Variants in LGALS13 observed in about 807,000 individuals in gnomAD.
LGALS13 encodes the protein galectin 13.
LGALS13 carries 11 observed loss-of-function variants against 13.2 expected under a neutral mutation model. The ratio of observed to expected loss-of-function variants is 0.83; its 90% CI spans 0.52 to 1.38. The LOEUF (loss-of-function observed/expected upper bound fraction) is 1.38. LGALS13 is among the 40% of genes most tolerant of loss of function. The pLI is 0.00. For missense variants in LGALS13, 183 were observed against 174.3 expected, an observed-to-expected ratio of 1.05 and a Z score of -0.28; for synonymous variants, 71 against 63.7, an observed-to-expected ratio of 1.11 and a Z score of -0.54.
rs1237970033 is a variant in LGALS13 at position 39,604,561 on chromosome 19, C to A, written c.16-41C>A. On this transcript the variant is annotated intron_variant, in intron 1 of 3. Coordinates refer to ENST00000221797, the MANE Select transcript of LGALS13 (RefSeq NM_013268.3). ...ATATGTTACAGGAGGGGAGACTGCA[C>A]CTGACCCTGCACCTCTCACTTACTC... The A allele has an allele frequency of 8.7e-6, 14 of 1,608,510 alleles. No homozygotes were observed. The East Asian group carries it at 1.8e-4, about 20-fold the overall frequency.
intron 1 of LGALS13, among the ~76,000 whole-genome samples, chr19:39,602,993 GGT>G (rs1188744432): frequency 6.6e-6 from 1 of 152,170 alleles, no homozygotes; most frequent in Non-Finnish European, 1.5e-5. Context: ...ACAGTGAGCA[GGT>G]GTGTGTGACG....
chr19:39,606,939 G>A (rs1972699284), intron 3 of LGALS13, among the ~76,000 whole-genome samples: 1 of 152,188 alleles, frequency 6.6e-6, no homozygotes. Flanking sequence ...AGTCCCTGGC[G>A]ATGGGGATCT....
At chr19:39,605,692 A>C (rs1310130994) in intron 3 of LGALS13, among the ~76,000 whole-genome samples, 4 of 152,140 alleles carry the variant, frequency 2.6e-5, no homozygotes, top group East Asian at 3.8e-4. Flanking sequence ...GAGTGAATAC[A>C]ATATACTTCA....
chr19:39,605,407 CCCAGCACCCAGGCT>C lies in LGALS13; in HGVS notation c.303+21_303+34del. On this transcript the variant is annotated intron_variant, in intron 3 of 3. Transcript: ENST00000221797. ...GTATGAGGTGAGCATCCCAGGAGCTCCCAGCACCCAGGCTCTGTGGGCTCCCAAAACAGGAGGCA... is the reference window on the plus strand; with the variant it reads ...GTATGAGGTGAGCATCCCAGGAGCTCCTGTGGGCTCCCAAAACAGGAGGCA... The C allele has an allele frequency of 1.9e-6, 3 of 1,605,696 alleles. No individual in the cohort carries two copies. Among genetic ancestry groups the C allele is most frequent in the Non-Finnish European group, 2.6e-6 (3 of 1,172,652 alleles).
At chr19:39,605,469 T>A in intron 3 of LGALS13, 81 bp downstream of exon 3, 1 of 1,183,288 alleles carries the variant, frequency 8.5e-7, no homozygotes, top group Non-Finnish European at 1.2e-6. Flanking sequence ...CTGGCCTCAG[T>A]AGTCCGTCAG....
chr19:39,604,505 C>A (rs1184961433), intron 1 of LGALS13, 97 bp from the exon 2 acceptor site: 8 of 1,338,742 alleles, frequency 6.0e-6, no homozygotes, highest in Non-Finnish European at 7.5e-6. Context: ...CAGAGTCTGC[C>A]CTTTCATCTC....
chr19:39,603,118 C>T (rs60839689), intron 1 of LGALS13, among the ~76,000 whole-genome samples: 16 of 152,146 alleles, frequency 1.1e-4, no homozygotes, highest in Non-Finnish European at 1.9e-4. Context: ...TCTCCCCACA[C>T]AGCAGCACCT....
At position 39,604,437 on chromosome 19, in the gene LGALS13, C is replaced by T. The variant is rs544332523; in HGVS notation, c.16-165C>T. On this transcript the variant is annotated intron_variant, in intron 1 of 3. Coordinates refer to ENST00000221797, the MANE Select transcript of LGALS13 (RefSeq NM_013268.3). ...GAACCCTTGCTCTAACTTATGGGTC[C>T]GCCATATCTTCAGGAATATGGGGCC... 4.6e-5 allele frequency among the ~76,000 whole-genome samples: 7 copies of T among 152,242 alleles called. No individual in the cohort carries two copies. In the East Asian group the frequency reaches 5.8e-4, roughly 13 times the overall value.
intron 2 of LGALS13, 51 bp from the exon 3 acceptor site, chr19:39,605,127 T>C (rs776405938): frequency 4.2e-6 from 6 of 1,428,872 alleles, no homozygotes; most frequent in Non-Finnish European, 5.9e-6. Flanking sequence ...GTCGAGTGTG[T>C]GTCTGCGCAA....
chr19:39,605,327 T>A lies in LGALS13; in HGVS notation c.242T>A (p.Val81Glu), dbSNP rs1419191616. ...IWMLEETTDY[V>E]PFEDGKQFEL... is the part of the protein sequence containing the mutation. ...ATGTTGGAGGAGACAACAGACTACG[T>A]GCCCTTTGAGGATGGCAAACAATTT... The change falls in exon 3 of 4, where the codon GTG (valine) becomes GAG (glutamate). Residue 81 changes from valine to glutamate, a missense_variant. Transcript: ENST00000221797. 8.7e-6 allele frequency: 14 copies of A among 1,614,102 alleles called. No individual in the cohort carries two copies. The highest frequency in any genetic ancestry group is 1.1e-5 in the Non-Finnish European group (13 of 1,180,048).
In LGALS13 at chr19:39,604,690, A is replaced by G. The variant is rs1005874705; in HGVS notation, c.92+12A>G. The G allele has an allele frequency of 5.0e-6, 8 of 1,613,702 alleles. No homozygotes were observed. The African/African-American group carries it at 1.1e-4, about 22-fold the overall frequency. On this transcript the variant is annotated intron_variant, in intron 2 of 3. Transcript: ENST00000221797. Reference sequence around the variant, plus strand: ...ATCCACTCTTTTATGTGAGTACTCCATGGTCCAATGGAGGGGTTGGAGAAG... The same window carrying G: ...ATCCACTCTTTTATGTGAGTACTCCGTGGTCCAATGGAGGGGTTGGAGAAG...
intron 1 of LGALS13, 99 bp downstream of exon 1, chr19:39,602,682 G>T: frequency 1.7e-6 from 2 of 1,192,888 alleles, no homozygotes; most frequent in South Asian, 1.2e-5. Flanking sequence ...TTTTTGCTGT[G>T]AATGCTTTAC....
intron 3 of LGALS13, among the ~76,000 whole-genome samples, chr19:39,605,870 TAG>T (rs1290461048): frequency 6.6e-6 from 1 of 152,198 alleles, no homozygotes; most frequent in Admixed American, 6.5e-5. Context: ...TTTCTTGAGA[TAG>T]AGTCTCATTT....
intron 1 of LGALS13, 87 bp downstream of exon 1, chr19:39,602,670 C>T: frequency 7.5e-7 from 1 of 1,340,214 alleles, no homozygotes; most frequent in South Asian, 1.2e-5. Context: ...AAAATATGAG[C>T]ATTTTTGCTG....
intron 2 of LGALS13, 99 bp downstream of exon 2, chr19:39,604,777 C>T (rs1432220029): frequency 1.4e-6 from 2 of 1,420,014 alleles, no homozygotes; most frequent in South Asian, 1.1e-5. Context: ...GTCTAGTTGG[C>T]AGAATGGAGG....
Position 39,607,441 on chromosome 19 carries a change from C to T in LGALS13, c.*102C>T. On this transcript the variant is annotated 3_prime_UTR_variant, in exon 4 of 4. Coordinates refer to ENST00000221797, the MANE Select transcript of LGALS13 (RefSeq NM_013268.3). Reference sequence around the variant, plus strand: ...GAATAATCCCTGCTCACATTTTCCCCTACACTTTGTCATTAAAACAGCACG... The same window carrying T: ...GAATAATCCCTGCTCACATTTTCCCTTACACTTTGTCATTAAAACAGCACG... 1 of 820,214 alleles carries T rather than the reference C, an allele frequency of 1.2e-6. No individual in the cohort carries two copies. Among genetic ancestry groups the T allele is most frequent in the South Asian group, 1.4e-5 (1 of 73,064 alleles). The allele number at this position is 820,214 out of a possible 1,614,324, so 50.8% of individuals were successfully genotyped here. A position where few individuals can be genotyped will look rare whatever the true frequency, so the allele number is the denominator to read the frequency against.
intron 1 of LGALS13, 125 bp downstream of exon 1, chr19:39,602,708 T>C: frequency 1.1e-6 from 1 of 951,010 alleles, no homozygotes; most frequent in Non-Finnish European, 1.7e-6. Context: ...GCTATTGAGG[T>C]GTGGAATAGA....
intron 1 of LGALS13, among the ~76,000 whole-genome samples, chr19:39,603,564 C>A (rs1317710334): frequency 6.6e-6 from 1 of 151,852 alleles, no homozygotes; most frequent in Non-Finnish European, 1.5e-5. Flanking sequence ...TATTAATCAA[C>A]CAAGCAGCTG....
intron 3 of LGALS13, among the ~76,000 whole-genome samples, chr19:39,606,350 T>C (rs183571635): frequency 4.6e-5 from 7 of 152,238 alleles, no homozygotes; most frequent in Non-Finnish European, 8.8e-5. Flanking sequence ...TGTTAAGAAG[T>C]TTACCCAAAG....
Sources: allele counts gnomAD v4.1 joint callset (sites outside exome capture counted in the v4.1 genomes callset), GRCh38; gene constraint gnomAD v4.1.1; transcripts MANE v1.5; gene names NCBI Gene and HGNC (gene_info 2026-07-23, HGNC 2026-07-21).